Variants in COL7A1 observed in about 807,000 individuals in gnomAD.
COL7A1 encodes collagen alpha-1(VII) chain.
COL7A1 carries 296 observed loss-of-function variants against 456.2 expected under a neutral mutation model. That is an observed-to-expected ratio of 0.65 (90% CI 0.59 to 0.71). The LOEUF (loss-of-function observed/expected upper bound fraction) is 0.71, where lower values mean the gene tolerates loss of function less well. COL7A1 is among the 30% of genes least tolerant of loss of function. The probability of loss-of-function intolerance (pLI) is 0.00; values close to 1 mark genes in which losing one functional copy is unlikely to be tolerated. For synonymous variants in COL7A1, 1,464 were observed against 1,525.9 expected (o/e 0.96, Z 0.95); for missense variants, 3,441 against 4,017.2 (o/e 0.86, Z 3.88).
At position 48,584,734 on chromosome 3, in the gene COL7A1, C is replaced by T. The variant is rs769549619; in HGVS notation, c.4047G>A (p.Pro1349=). 1.1e-5 allele frequency: 17 copies of T among 1,613,870 alleles called. No homozygotes were observed. Among genetic ancestry groups the T allele is most frequent in the Middle Eastern group, 1.6e-4 (1 of 6,084 alleles). The change falls in exon 35 of 119, where the codon CCG becomes CCA. Residue 1349 remains proline (P), a splice_region_variant and synonymous_variant. Transcript: ENST00000681320. ...ERGPRGPKGE[P]GAPGQVIGGE... ...CCGCCTCCCTTCCCCCTTCACCTAC[C>T]GGCTCCCCCTTTGGGCCTCGAGGTC...
Position 48,591,957 on chromosome 3 carries a change from A to G in COL7A1, c.1298T>C (p.Leu433Pro). 1.2e-6 allele frequency: 2 copies of G among 1,614,204 alleles called. No homozygotes were observed. Among genetic ancestry groups the G allele is most frequent in the African/African-American group, 2.7e-5 (2 of 75,064 alleles). The change falls in exon 11 of 119, where the codon CTT becomes CCT. Residue 433 changes from leucine (L) to proline (P), a missense_variant. Physicochemically the swap from Leu to Pro is moderately conservative, Grantham distance 98. Around this residue, in one of 3 missense-constraint regions of COL7A1, gnomAD observed 913 missense variants for 1,088.2 expected, o/e 0.84. Transcript: ENST00000681320. This position sits in a 1 kb window ranked among gnomAD's most constrained non-coding sequence, Gnocchi z 7.0. ...PVILGPTSIL[L>P]SWNLVPEARG... ...GGCCTCAGGCACCAAGTTCCAGGAA[A>G]GGAGGATGGATGTGGGGCCCAGGAT...
chr3:48,589,575 C>T, intron 17 of COL7A1, 24 bp downstream of exon 17: 1 of 1,613,290 alleles, frequency 6.2e-7, no homozygotes, highest in Non-Finnish European at 8.5e-7. Context: ...CCTGACCTGC[C>T]CCCTCCCAAA....
chr3:48,578,380 C>A lies in COL7A1; in HGVS notation c.5488-15G>T, dbSNP rs2044475847. On this transcript the variant is annotated splice_polypyrimidine_tract_variant and intron_variant, in intron 64 of 118. Transcript: ENST00000681320. This position sits in a 1 kb window ranked among gnomAD's most constrained non-coding sequence, Gnocchi z 4.7. ...CCTGGCTTTCCCTGTGGGAACAGAT[C>A]ACTGGTTGGATGTCGGGGATCGGGT... The A allele has an allele frequency of 6.2e-7, 1 of 1,613,336 alleles. No homozygotes were observed. Among genetic ancestry groups the A allele is most frequent in the Admixed American group, 1.7e-5 (1 of 60,004 alleles).
At position 48,568,748 on chromosome 3, in the gene COL7A1, A is replaced by ACCTGGGGCTGGG. The variant is rs2043735908; in HGVS notation, c.7758+35_7758+36insCCCAGCCCCAGG. ...TGTGTGTGTGTGATGCTGGCTCTGG[A>ACCTGGGGCTGGG]CCTGGGCCTGGGCCTGGGCCTGGGG... On this transcript the variant is annotated intron_variant, in intron 104 of 118. Transcript: ENST00000681320. The surrounding 1 kb of genome is among the most constrained non-coding windows in gnomAD (Gnocchi z 5.2). The ACCTGGGGCTGGG allele has an allele frequency of 6.4e-7, 1 of 1,551,158 alleles. No homozygotes were observed. The highest frequency in any genetic ancestry group is 8.7e-7 in the Non-Finnish European group (1 of 1,145,744).
intron 65 of COL7A1, 132 bp from the exon 66 acceptor site, chr3:48,577,159 C>T: frequency 7.6e-7 from 1 of 1,311,170 alleles, no homozygotes; most frequent in Non-Finnish European, 1.1e-6. Flanking sequence ...TGTCTTGGAG[C>T]ATGGCCTGTG....
chr3:48,589,868 G>A, intron 16 of COL7A1, 150 bp from the exon 17 acceptor site: 1 of 1,162,972 alleles, frequency 8.6e-7, no homozygotes, highest in South Asian at 1.3e-5. Flanking sequence ...GGAGGTGGAG[G>A]TTTTAGGAAG....
At position 48,592,234 on chromosome 3, in the gene COL7A1, G is replaced by A; in HGVS notation, c.1108C>T (p.Gln370Ter). ...WRVLSGGPTQQQELGPGQGSV... is the reference protein window; with the variant it reads ...WRVLSGGPTQ ...CCCTGCCCAGGGCCCAGCTCCTGCT[G>A]CTGTGTGGGCCCACCTGCATGGGGG... Residue 370 changes from glutamine to a stop codon, truncating the protein, a stop_gained, in exon 10 of 119, where the codon CAG (glutamine) becomes TAG (stop). Coordinates refer to ENST00000681320, the MANE Select transcript of COL7A1 (RefSeq NM_000094.4). LOFTEE classifies it high-confidence loss of function. The surrounding 1 kb of genome is among the most constrained non-coding windows in gnomAD (Gnocchi z 7.6). 1 of 1,613,642 alleles carries A rather than the reference G, an allele frequency of 6.2e-7. No individual in the cohort carries two copies. Among genetic ancestry groups the A allele is most frequent in the Non-Finnish European group, 8.5e-7 (1 of 1,179,900 alleles).
In COL7A1 at chr3:48,569,454, G is replaced by T; in HGVS notation, c.7615-8C>A. On this transcript the variant is annotated splice_region_variant and splice_polypyrimidine_tract_variant and intron_variant, in intron 102 of 118. Transcript: ENST00000681320. This position sits in a 1 kb window ranked among gnomAD's most constrained non-coding sequence, Gnocchi z 4.9. ...CCGAGGCCCTCGTTCACCCTGGGTT[G>T]GTTTGGGTAAGAAGTCACGGTAAGG... 1 of 1,614,184 alleles carries T rather than the reference G, an allele frequency of 6.2e-7. No individual in the cohort carries two copies. The highest frequency in any genetic ancestry group is 1.1e-5 in the South Asian group (1 of 91,086).
In COL7A1 at chr3:48,589,697, G is replaced by A. The variant is rs771007419; in HGVS notation, c.2072C>T (p.Thr691Met). 5.7e-5 allele frequency: 92 copies of A among 1,613,958 alleles called. No individual in the cohort carries two copies. The highest frequency in any genetic ancestry group is 4.5e-4 in the East Asian group (20 of 44,898). Reference protein sequence around the residue: ...ARTDPLGPVRTVHVTQASSSS... With the variant: ...ARTDPLGPVRMVHVTQASSSS... ...GCTGCTGGCCTGAGTCACATGGACC[G>A]TCCTCACTGGGCCCAGTGGGTCTAG... The change falls in exon 17 of 119, where the codon ACG (threonine) becomes ATG (methionine). Residue 691 changes from threonine to methionine, a missense_variant. Transcript: ENST00000681320.
In COL7A1 at chr3:48,589,393, T is replaced by C. The variant is rs2045532600; in HGVS notation, c.2248A>G (p.Thr750Ala). Residue 750 changes from threonine to alanine, a missense_variant, in exon 18 of 119, where the codon ACG becomes GCG. Coordinates refer to ENST00000681320, the MANE Select transcript of COL7A1 (RefSeq NM_000094.4). ...GCCACATGGGCCCTCACATGCACCGTATACTCAGTATCTGGCTCCAGTCCA... is the reference window on the plus strand; with the variant it reads ...GCCACATGGGCCCTCACATGCACCGCATACTCAGTATCTGGCTCCAGTCCA... The part of the protein sequence containing the change: ...LDGLEPDTEY[T>A]VHVRAHVAGV... 6.2e-7 allele frequency: 1 copy of C among 1,613,494 alleles called. No homozygotes were observed. Among genetic ancestry groups the C allele is most frequent in the Admixed American group, 1.7e-5 (1 of 60,010 alleles).
Position 48,565,367 on chromosome 3 carries a change from TCGGCC to T in COL7A1, c.8527+38_8527+42del. ...ATTCATGGACACCCATGTGCGTGTCTCGGCCCCACCCATAGCTGCCCCACGGGTTC... is the reference window on the plus strand; with the variant it reads ...ATTCATGGACACCCATGTGCGTGTCTCCACCCATAGCTGCCCCACGGGTTC... On this transcript the variant is annotated intron_variant, in intron 116 of 118. Coordinates refer to ENST00000681320, the MANE Select transcript of COL7A1 (RefSeq NM_000094.4). This position sits in a 1 kb window ranked among gnomAD's most constrained non-coding sequence, Gnocchi z 4.5. 6.4e-7 allele frequency: 1 copy of T among 1,570,984 alleles called. No individual in the cohort carries two copies. Among genetic ancestry groups the T allele is most frequent in the Admixed American group, 1.9e-5 (1 of 53,124 alleles).
In COL7A1 at chr3:48,587,543, C is replaced by T; in HGVS notation, c.2869G>A (p.Val957Ile). Residue 957 changes from valine (V) to isoleucine (I), a missense_variant, in exon 23 of 119, where the codon GTT becomes ATT. Physicochemically the swap from Val to Ile is conservative, Grantham distance 29. Coordinates refer to ENST00000681320, the MANE Select transcript of COL7A1 (RefSeq NM_000094.4). This position sits in a 1 kb window ranked among gnomAD's most constrained non-coding sequence, Gnocchi z 6.1. ...EVTARTESPRVPSIELRVVDT... is the reference protein window; with the variant it reads ...EVTARTESPRIPSIELRVVDT... ...ACCACACGTAGTTCAATGCTTGGAA[C>T]ACGAGGTGACTCTGAAGGAGGAATG... 1 of 1,613,552 alleles carries T rather than the reference C, an allele frequency of 6.2e-7. No homozygotes were observed. The highest frequency in any genetic ancestry group is 8.5e-7 in the Non-Finnish European group (1 of 1,180,034).
Position 48,585,782 on chromosome 3 carries a change from C to T in COL7A1, c.3786+48G>A. The T allele has an allele frequency of 1.2e-6, 2 of 1,614,068 alleles. No homozygotes were observed. The highest frequency in any genetic ancestry group is 1.7e-6 in the Non-Finnish European group (2 of 1,180,018). Reference sequence around the variant, plus strand: ...CCTGTGCTGCCAACCTCTCCTGCCCCACTGACACTCAACCCATTCTCTATT... The same window carrying T: ...CCTGTGCTGCCAACCTCTCCTGCCCTACTGACACTCAACCCATTCTCTATT... On this transcript the variant is annotated intron_variant, in intron 30 of 118. Coordinates refer to ENST00000681320, the MANE Select transcript of COL7A1 (RefSeq NM_000094.4). This position sits in a 1 kb window ranked among gnomAD's most constrained non-coding sequence, Gnocchi z 4.5.
Position 48,588,659 on chromosome 3 carries a change from G to A in COL7A1, c.2570C>T (p.Ser857Phe). ...CTGCCTACGCGTAGTGACAACAATG[G>A]AGACAGGTGTGCCCTCGCGGTCCCC... ...LVGDREGTPV[S>F]IVVTTPPEAP... The change falls in exon 20 of 119, where the codon TCC (serine) becomes TTC (phenylalanine). Residue 857 changes from serine (S) to phenylalanine (F), a missense_variant. This residue lies in a region of COL7A1 where 444 missense variants were observed against 427.6 expected (regional missense o/e 1.04). Transcript: ENST00000681320. The surrounding 1 kb of genome is among the most constrained non-coding windows in gnomAD (Gnocchi z 4.6). The A allele has an allele frequency of 6.2e-7, 1 of 1,613,870 alleles. No individual in the cohort carries two copies. The highest frequency in any genetic ancestry group is 8.5e-7 in the Non-Finnish European group (1 of 1,180,050).
Position 48,589,621 on chromosome 3 carries a change from C to T in COL7A1, c.2148G>A (p.Arg716=). 1 of 1,613,908 alleles carries T rather than the reference C, an allele frequency of 6.2e-7. No homozygotes were observed. ...WTRVPGATGY[R]VSWHSAHGPE... ...CACCGTGGGCTGAGTGCCAGGAAAC[C>T]CTGTATCCTGTGGCGCCAGGAACCC... Residue 716 remains arginine, a synonymous_variant, in exon 17 of 119, where the codon AGG becomes AGA. Transcript: ENST00000681320.
At position 48,582,324 on chromosome 3, in the gene COL7A1, A is replaced by T. The variant is rs759986908; in HGVS notation, c.4634T>A (p.Val1545Glu). 11 of 1,613,764 alleles carry T rather than the reference A, an allele frequency of 6.8e-6. No homozygotes were observed. Among genetic ancestry groups the T allele is most frequent in the Admixed American group, 3.3e-5 (2 of 60,000 alleles). ...EPGRPGDPAV[V>E]GPAVAGPKGE... ...GAGCGCCATCCTCCCGTCACTCACC[A>T]CCACTGCAGGGTCCCCAGGGCGACC... Residue 1545 changes from valine (V) to glutamate (E), a missense_variant and splice_region_variant, in exon 47 of 119, where the codon GTG becomes GAG. Transcript: ENST00000681320.
chr3:48,571,174 A>T lies in COL7A1; in HGVS notation c.7105-14T>A, dbSNP rs376232093. Reference sequence around the variant, plus strand: ...TCCTGGGTCACCCTTTGAGGAAAAGAGGCATCGGATCAAGCTCAGGGAGTC... The same window carrying T: ...TCCTGGGTCACCCTTTGAGGAAAAGTGGCATCGGATCAAGCTCAGGGAGTC... On this transcript the variant is annotated splice_polypyrimidine_tract_variant and intron_variant, in intron 93 of 118. Transcript: ENST00000681320. This position sits in a 1 kb window ranked among gnomAD's most constrained non-coding sequence, Gnocchi z 4.6. The T allele has an allele frequency of 3.7e-6, 6 of 1,614,036 alleles. No homozygotes were observed. The highest frequency in any genetic ancestry group is 5.1e-6 in the Non-Finnish European group (6 of 1,180,026).
In COL7A1 at chr3:48,565,919, C is replaced by G. The variant is rs145308754; in HGVS notation, c.8408-251G>C. Among the ~76,000 whole-genome samples, 493 of 152,290 alleles carry G rather than the reference C, an allele frequency of 3.2e-3. 3 individuals are homozygous for G. Among genetic ancestry groups the G allele is most frequent in the African/African-American group, 0.011 (466 of 41,540 alleles). ...GACAGAAGCAGGCCAGACACAGAAACAGGCAGGTGGTGCAGACAGAGACGG... is the reference window on the plus strand; with the variant it reads ...GACAGAAGCAGGCCAGACACAGAAAGAGGCAGGTGGTGCAGACAGAGACGG... On this transcript the variant is annotated intron_variant, in intron 114 of 118. Transcript: ENST00000681320. The surrounding 1 kb of genome is among the most constrained non-coding windows in gnomAD (Gnocchi z 4.5).
chr3:48,575,405 C>T lies in COL7A1; in HGVS notation c.6114G>A (p.Lys2038=). The change falls in exon 74 of 119, where the codon AAG becomes AAA. Residue 2038 remains lysine (K), a synonymous_variant. Coordinates refer to ENST00000681320, the MANE Select transcript of COL7A1 (RefSeq NM_000094.4). This position sits in a 1 kb window ranked among gnomAD's most constrained non-coding sequence, Gnocchi z 6.3. ...GPSGLAGEPG[K]PGIPGLPGRA... ...TGCCTGGGAGCCCGGGAATACCAGG[C>T]TTTCCAGGCTCCCCGGCAAGGCCGG... The T allele has an allele frequency of 1.2e-6, 2 of 1,610,570 alleles. No individual in the cohort carries two copies. Among genetic ancestry groups the T allele is most frequent in the Non-Finnish European group, 1.7e-6 (2 of 1,178,958 alleles).
Sources: gnomAD v4.1 joint callset for allele counts (sites outside exome capture counted in the v4.1 genomes callset) on GRCh38, gnomAD v4.1.1 for gene constraint, gnomAD v4.1.1 regional missense constraint, Gnocchi (gnomAD v3.1) non-coding constraint, MANE v1.5 for transcripts, NCBI Gene and HGNC (gene_info 2026-07-23, HGNC 2026-07-21) for gene names.